The following RNF111 variants were observed in gnomAD, a reference collection of about 807,000 sequenced individuals.
The protein encoded by RNF111 is ring finger protein 111.
RNF111 carries 17 observed loss-of-function variants against 95.1 expected under a neutral mutation model. The ratio of observed to expected loss-of-function variants is 0.18; its 90% CI spans 0.12 to 0.27. The LOEUF (loss-of-function observed/expected upper bound fraction) is 0.27, where lower values mean the gene tolerates loss of function less well. RNF111 is among the 10% of genes least tolerant of loss of function. RNF111 has a pLI of 1.00. For missense variants in RNF111, 1,189 were observed against 1,210.4 expected, an observed-to-expected ratio of 0.98 and a Z score of 0.26; for synonymous variants, 440 against 414.8, an observed-to-expected ratio of 1.06 and a Z score of -0.74.
intron 8 of RNF111, among the ~76,000 whole-genome samples, chr15:59,083,457 G>C (rs2078806362): frequency 6.6e-6 from 1 of 151,694 alleles, no homozygotes; most frequent in African/African-American, 2.4e-5. Context: ...AGAATTGCTT[G>C]AATCTGGGAG....
chr15:59,070,357 G>T (rs796511698), intron 6 of RNF111, among the ~76,000 whole-genome samples: 77 of 151,936 alleles, frequency 5.1e-4, no homozygotes, highest in African/African-American at 1.8e-3. Context: ...TTTACCCTCA[G>T]TTTCTTCTAG....
chr15:59,060,377 G>A (rs774868439), intron 5 of RNF111, among the ~76,000 whole-genome samples: 39 of 151,868 alleles, frequency 2.6e-4, no homozygotes, highest in African/African-American at 5.8e-4. Flanking sequence ...GGCCAGGGAC[G>A]CAGATCACTC....
chr15:59,071,888 A>G (rs1199333531), intron 6 of RNF111, among the ~76,000 whole-genome samples: 2 of 152,164 alleles, frequency 1.3e-5, no homozygotes, highest in Non-Finnish European at 2.9e-5. Context: ...ATTGCAATAA[A>G]GCAAGTCACA....
At chr15:59,090,991 A>G (rs2079036923) in intron 11 of RNF111, 68 bp from the exon 12 acceptor site, 15 of 945,312 alleles carry the variant, frequency 1.6e-5, no homozygotes, top group African/African-American at 4.9e-5. Flanking sequence ...TTCTTATACA[A>G]TGTTGACAGT....
At chr15:59,045,671 A>T (rs943086208) in intron 2 of RNF111, among the ~76,000 whole-genome samples, 5 of 152,266 alleles carry the variant, frequency 3.3e-5, no homozygotes, top group African/African-American at 1.2e-4. Context: ...GTTGATACAT[A>T]ATGCTTTTAG....
chr15:59,072,523 G>A lies in RNF111; in HGVS notation c.1687-3431G>A, dbSNP rs564465619. ...GGCTGGAGTGCAGTGGCGTGATCTC[G>A]GCTCACTGAAAGCTCCACCTCCCAG... On this transcript the variant is annotated intron_variant, in intron 6 of 13. Transcript: ENST00000348370. Among the ~76,000 whole-genome samples, 4 of 138,730 alleles carry A rather than the reference G, an allele frequency of 2.9e-5. 1 individual carries two copies. The South Asian group carries it at 6.6e-4, about 23-fold the overall frequency. 91.0% of individuals were successfully genotyped at this position (138,730 alleles called of 152,430 possible). A position where few individuals can be genotyped will look rare whatever the true frequency, so the allele number is the denominator to read the frequency against.
chr15:58,993,829 CTTAGT>C (rs2038925136), intron 1 of RNF111, among the ~76,000 whole-genome samples: 1 of 151,952 alleles, frequency 6.6e-6, no homozygotes, highest in Non-Finnish European at 1.5e-5. Flanking sequence ...CGATTAGCAT[CTTAGT>C]TTAGTTTGTA....
At chr15:59,019,409 T>TA (rs1328372531) in intron 1 of RNF111, among the ~76,000 whole-genome samples, 60 of 152,138 alleles carry the variant, frequency 3.9e-4, no homozygotes, top group South Asian at 2.1e-4. Context: ...TTTATAGTTT[T>TA]AAAAAAAATT....
intron 1 of RNF111, among the ~76,000 whole-genome samples, chr15:58,989,376 A>AT (rs2038708082): frequency 6.6e-6 from 1 of 152,230 alleles, no homozygotes; most frequent in Non-Finnish European, 1.5e-5. Context: ...AAATGACTTT[A>AT]TCATCTCTCT....
intron 1 of RNF111, among the ~76,000 whole-genome samples, chr15:59,023,943 C>G (rs2040471596): frequency 1.3e-5 from 2 of 152,132 alleles, no homozygotes; most frequent in East Asian, 1.9e-4. Flanking sequence ...CAACCACTTT[C>G]CTATTTAATA....
At chr15:59,058,778 G>A in intron 5 of RNF111, 1 of 444,604 alleles carries the variant, frequency 2.2e-6, no homozygotes, top group East Asian at 3.8e-5. Flanking sequence ...AGAGAGCTTG[G>A]GGAGAAGCAA....
At chr15:59,085,416 T>C (rs1005068167) in intron 9 of RNF111, 1 of 238,424 alleles carries the variant, frequency 4.2e-6, no homozygotes, top group Non-Finnish European at 8.1e-6. Context: ...CCTTCCTTTG[T>C]AAGATGTGAA....
At chr15:58,994,305 C>G (rs1054890786) in intron 1 of RNF111, among the ~76,000 whole-genome samples, 3 of 151,772 alleles carry the variant, frequency 2.0e-5, no homozygotes, top group African/African-American at 7.3e-5. Context: ...TCCCAAAGTG[C>G]TGGGATTACA....
intron 1 of RNF111, among the ~76,000 whole-genome samples, chr15:59,005,022 A>C (rs556164246): frequency 6.6e-6 from 1 of 152,182 alleles, no homozygotes; most frequent in Non-Finnish European, 1.5e-5. Flanking sequence ...ATAATCTCCT[A>C]CATGGTTTAA....
intron 2 of RNF111, among the ~76,000 whole-genome samples, chr15:59,051,091 A>C (rs1225384920): frequency 2.0e-5 from 3 of 152,210 alleles, no homozygotes; most frequent in Non-Finnish European, 2.9e-5. Flanking sequence ...TTTAATACTT[A>C]TCCATCTTCT....
intron 1 of RNF111, among the ~76,000 whole-genome samples, chr15:59,017,676 G>C (rs939937637): frequency 6.6e-6 from 1 of 151,088 alleles, no homozygotes; most frequent in Non-Finnish European, 1.5e-5. Context: ...AAAGTTGACA[G>C]ATTTATTACT....
intron 7 of RNF111, among the ~76,000 whole-genome samples, chr15:59,078,039 G>A (rs1164817147): frequency 6.6e-6 from 1 of 152,228 alleles, no homozygotes; most frequent in Non-Finnish European, 1.5e-5. Context: ...ATATGGCATA[G>A]TAGAGCACTA....
At chr15:59,067,304 C>T (rs1323430503) in intron 6 of RNF111, among the ~76,000 whole-genome samples, 2 of 150,176 alleles carry the variant, frequency 1.3e-5, no homozygotes, top group Admixed American at 1.3e-4. Context: ...CCTTCCTTCC[C>T]TCTCTTCCCT....
intron 6 of RNF111, among the ~76,000 whole-genome samples, chr15:59,067,308 C>T (rs963849255): frequency 2.0e-5 from 3 of 150,186 alleles, no homozygotes; most frequent in Admixed American, 1.3e-4. Context: ...CCTTCCCTCT[C>T]TTCCCTTTCC....
Sources: allele counts gnomAD v4.1 joint callset (sites outside exome capture counted in the v4.1 genomes callset), GRCh38; gene constraint gnomAD v4.1.1; transcripts MANE v1.5; gene names NCBI Gene and HGNC (gene_info 2026-07-23, HGNC 2026-07-21).